SEPTIN9: variants seen among roughly 807,000 people sequenced by gnomAD.
SEPTIN9 encodes septin-9.
Under a neutral mutation model 56.6 loss-of-function variants are expected in SEPTIN9, and 13 were observed. The observed-to-expected ratio is 0.23, with a 90% confidence interval of 0.15 to 0.37. The LOEUF (loss-of-function observed/expected upper bound fraction) is 0.37, where lower values mean the gene tolerates loss of function less well. SEPTIN9 is among the 10% of genes least tolerant of loss of function. The pLI, the probability that SEPTIN9 is intolerant of heterozygous loss-of-function variation, is 1.00. For missense variants in SEPTIN9, 650 were observed against 823.1 expected (o/e 0.79, Z 2.57); for synonymous variants, 332 against 334.1 (o/e 0.99, Z 0.07).
At chr17:77,311,825 G>A (rs529461992) in intron 2 of SEPTIN9, among the ~76,000 whole-genome samples, 8 of 152,274 alleles carry the variant, frequency 5.3e-5, no homozygotes, top group Admixed American at 3.9e-4. Context: ...GGAGCTGGTC[G>A]TGGAAGAGAC....
At chr17:77,454,023 GTTTAGGGCTTCCGCCCTCTCTCC>G (rs546378354) in intron 3 of SEPTIN9, 14,406 of 978,464 alleles carry the variant, frequency 0.015, 119 homozygotes, top group Middle Eastern at 0.035. Context: ...CACCCCGGAT[GTTTAGGGCTTCCGCCCTCTCTCC>G]CTGGCCGGGA....
chr17:77,323,492 G>A lies in SEPTIN9; in HGVS notation c.76+16295G>A, dbSNP rs546016333. ...AGGGCTGCAGGCAGGGGAAGTGGCC[G>A]TCTGTGCATGGTCATGAATGCAGGC... On this transcript the variant is annotated intron_variant, in intron 2 of 11. Transcript: ENST00000427177. The surrounding 1 kb of genome is among the most constrained non-coding windows in gnomAD (Gnocchi z 6.8). Among the ~76,000 whole-genome samples the A allele has an allele frequency of 1.2e-3, 183 of 152,314 alleles. 1 individual carries two copies. The highest frequency in any genetic ancestry group is 2.2e-3 in the Admixed American group (33 of 15,308).
intron 2 of SEPTIN9, among the ~76,000 whole-genome samples, chr17:77,397,507 A>C (rs1351139553): frequency 6.6e-6 from 1 of 152,172 alleles, no homozygotes; most frequent in African/African-American, 2.4e-5. Flanking sequence ...GGTATTAGAC[A>C]TGTCTTTTTG....
At position 77,498,681 on chromosome 17, in the gene SEPTIN9, G is replaced by T; in HGVS notation, c.*23G>T. On this transcript the variant is annotated 3_prime_UTR_variant, in exon 12 of 12. Transcript: ENST00000427177. ...TAGACGCCACCCTGCCCACCCCCGG[G>T]ATCCTGCCCCCAAGTCATTTCCGTC... The T allele has an allele frequency of 1.3e-6, 2 of 1,504,396 alleles. No homozygotes were observed. Among genetic ancestry groups the T allele is most frequent in the Non-Finnish European group, 1.8e-6 (2 of 1,118,386 alleles). The allele number at this position is 1,504,396 out of a possible 1,614,324, so 93.2% of individuals were successfully genotyped here.
At chr17:77,485,195 T>A (rs1598454340) in intron 4 of SEPTIN9, among the ~76,000 whole-genome samples, 1 of 139,244 alleles carries the variant, frequency 7.2e-6, no homozygotes. Context: ...GTGGTGGTGG[T>A]GGTGATGGTG....
At chr17:77,368,910 CTT>C (rs2034644201) in intron 2 of SEPTIN9, among the ~76,000 whole-genome samples, 1 of 152,172 alleles carries the variant, frequency 6.6e-6, no homozygotes, top group Admixed American at 6.5e-5. Flanking sequence ...CTAAACATCT[CTT>C]CTCAGTCTCA....
chr17:77,306,010 G>GGGT (rs1361118990), intron 1 of SEPTIN9, among the ~76,000 whole-genome samples: 1 of 126,492 alleles, frequency 7.9e-6, no homozygotes, highest in East Asian at 2.8e-4. Flanking sequence ...GTGGGTGGGT[G>GGGT]GGTGAAGGGC....
chr17:77,445,845 G>A lies in SEPTIN9; in HGVS notation c.722-36299G>A. On this transcript the variant is annotated intron_variant, in intron 3 of 11. Coordinates refer to ENST00000427177, the MANE Select transcript of SEPTIN9 (RefSeq NM_001113491.2). This position sits in a 1 kb window ranked among gnomAD's most constrained non-coding sequence, Gnocchi z 4.7. ...CTGTGGGTGTTGCCCACAGACAGGTGGACATGTGGCAAGGACACCTTGGGA... is the reference window on the plus strand; with the variant it reads ...CTGTGGGTGTTGCCCACAGACAGGTAGACATGTGGCAAGGACACCTTGGGA... 1 of 184,362 alleles carries A rather than the reference G, an allele frequency of 5.4e-6. No homozygotes were observed. Among genetic ancestry groups the A allele is most frequent in the South Asian group, 1.2e-4 (1 of 8,068 alleles). The allele number at this position is 184,362 out of a possible 1,614,324, so 11.4% of individuals were successfully genotyped here.
At chr17:77,290,750 G>A (rs2031507735) in intron 1 of SEPTIN9, among the ~76,000 whole-genome samples, 1 of 150,798 alleles carries the variant, frequency 6.6e-6, no homozygotes, top group South Asian at 2.1e-4. Flanking sequence ...GGAAGGCGGA[G>A]CTTGCAGTGA....
chr17:77,380,066 G>T (rs779752981), intron 2 of SEPTIN9: 1 of 158,874 alleles, frequency 6.3e-6, no homozygotes, highest in African/African-American at 2.4e-5. Flanking sequence ...ACCCCCAGGC[G>T]CCTGGGGCAT....
chr17:77,443,355 G>C (rs1046532510), intron 3 of SEPTIN9, among the ~76,000 whole-genome samples: 12 of 152,120 alleles, frequency 7.9e-5, no homozygotes, highest in African/African-American at 2.9e-4. Flanking sequence ...CATCACACGG[G>C]AATAATAGAG....
At chr17:77,378,552 T>C (rs2035018401) in intron 2 of SEPTIN9, among the ~76,000 whole-genome samples, 1 of 152,150 alleles carries the variant, frequency 6.6e-6, no homozygotes, top group Non-Finnish European at 1.5e-5. Context: ...GTTTGGATGC[T>C]TAAATATGCA....
Position 77,475,422 on chromosome 17 carries a change from C to G in SEPTIN9, c.722-6722C>G, listed in dbSNP as rs968628762. On this transcript the variant is annotated intron_variant, in intron 3 of 11. Coordinates refer to ENST00000427177, the MANE Select transcript of SEPTIN9 (RefSeq NM_001113491.2). The surrounding 1 kb of genome is among the most constrained non-coding windows in gnomAD (Gnocchi z 4.6). ...AGCAGCCCTGGCCGGACACTGTCCT[C>G]CTAGCATTGCCTGCATCAGGGACTC... The G allele has an allele frequency of 5.4e-6, 8 of 1,490,722 alleles. No homozygotes were observed. Among genetic ancestry groups the G allele is most frequent in the Non-Finnish European group, 7.1e-6 (8 of 1,124,300 alleles). 92.3% of individuals were successfully genotyped at this position (1,490,722 alleles called of 1,614,324 possible).
In SEPTIN9 at chr17:77,450,793, T is replaced by A; in HGVS notation, c.722-31351T>A. The stretch of plus-strand genomic sequence containing the variant: ...CTCGGAGGAAGAGCTCAGGGTGAGC[T>A]GCGCCCCCATCCCCTGCCCCTCCTC... On this transcript the variant is annotated intron_variant, in intron 3 of 11. Transcript: ENST00000427177. The surrounding 1 kb of genome is among the most constrained non-coding windows in gnomAD (Gnocchi z 6.0). 3.0e-6 allele frequency: 3 copies of A among 986,330 alleles called. No homozygotes were observed. Among genetic ancestry groups the A allele is most frequent in the Non-Finnish European group, 3.6e-6 (3 of 830,702 alleles). 61.1% of individuals were successfully genotyped at this position (986,330 alleles called of 1,614,324 possible).
intron 3 of SEPTIN9, among the ~76,000 whole-genome samples, chr17:77,413,039 G>A (rs11871828): frequency 0.029 from 4,416 of 151,874 alleles, 220 homozygotes; most frequent in African/African-American, 0.1. Flanking sequence ...AGGGGTAGAT[G>A]GTATTGCTTG....
rs551452934 is a variant in SEPTIN9 at position 77,424,043 on chromosome 17, C to A, written c.721+21340C>A. Among the ~76,000 whole-genome samples, 13 of 152,344 alleles carry A rather than the reference C, an allele frequency of 8.5e-5. 1 individual carries two copies. Among genetic ancestry groups the A allele is most frequent in the African/African-American group, 3.1e-4 (13 of 41,570 alleles). Reference sequence around the variant, plus strand: ...AGCAGATTTGTTTCCATTTTAGGGACAACGCAAGGAGGCTGTCATTCCACC... The same window carrying A: ...AGCAGATTTGTTTCCATTTTAGGGAAAACGCAAGGAGGCTGTCATTCCACC... On this transcript the variant is annotated intron_variant, in intron 3 of 11. Transcript: ENST00000427177.
chr17:77,434,153 C>T lies in SEPTIN9; in HGVS notation c.721+31450C>T, dbSNP rs1598368727. ...GAGGCCCTTGGTGGGAGAGGCAGGGCCCCTTCCCCTTTAATCTGGGCAACC... is the reference window on the plus strand; with the variant it reads ...GAGGCCCTTGGTGGGAGAGGCAGGGTCCCTTCCCCTTTAATCTGGGCAACC... On this transcript the variant is annotated intron_variant, in intron 3 of 11. Coordinates refer to ENST00000427177, the MANE Select transcript of SEPTIN9 (RefSeq NM_001113491.2). The surrounding 1 kb of genome is among the most constrained non-coding windows in gnomAD (Gnocchi z 5.0). Among the ~76,000 whole-genome samples, 1 of 152,174 alleles carries T rather than the reference C, an allele frequency of 6.6e-6. No individual in the cohort carries two copies. Among genetic ancestry groups the T allele is most frequent in the Non-Finnish European group, 1.5e-5 (1 of 68,030 alleles).
intron 2 of SEPTIN9, among the ~76,000 whole-genome samples, chr17:77,316,602 A>C (rs557519873): frequency 1.3e-5 from 2 of 152,176 alleles, no homozygotes; most frequent in Non-Finnish European, 2.9e-5. Flanking sequence ...ACCGCCAGCC[A>C]GGCTGGGTCA....
chr17:77,378,654 C>G (rs1194238343), intron 2 of SEPTIN9, among the ~76,000 whole-genome samples: 1 of 152,238 alleles, frequency 6.6e-6, no homozygotes, highest in Non-Finnish European at 1.5e-5. Flanking sequence ...TTATGGAAAG[C>G]ACGGCAGACA....
Sources: gnomAD v4.1 joint callset for allele counts (sites outside exome capture counted in the v4.1 genomes callset) on GRCh38, gnomAD v4.1.1 for gene constraint, Gnocchi (gnomAD v3.1) non-coding constraint, MANE v1.5 for transcripts, NCBI Gene and HGNC (gene_info 2026-07-23, HGNC 2026-07-21) for gene names.